BMP5: variants seen among roughly 807,000 people sequenced by gnomAD.
The protein encoded by BMP5 is bone morphogenetic protein 5.
Under a neutral mutation model 46.6 loss-of-function variants are expected in BMP5, and 23 were observed. The observed-to-expected ratio is 0.49, with a 90% CI of 0.35 to 0.70. BMP5 has a LOEUF of 0.70. Ranked by LOEUF, BMP5 falls within the 30% of genes least tolerant of loss-of-function variation. The probability of loss-of-function intolerance (pLI) is 0.00; values close to 1 mark genes in which losing one functional copy is unlikely to be tolerated. For synonymous variants in BMP5, 204 were observed against 191.9 expected (o/e 1.06, Z -0.52); for missense variants, 545 against 565.6 (o/e 0.96, Z 0.37).
intron 1 of BMP5, among the ~76,000 whole-genome samples, chr6:55,830,391 C>G (rs1776636771): frequency 6.6e-6 from 1 of 152,012 alleles, no homozygotes; most frequent in African/African-American, 2.4e-5. Flanking sequence ...TGGTTTCACA[C>G]TCTTGGACTT....
intron 3 of BMP5, among the ~76,000 whole-genome samples, chr6:55,792,462 A>T (rs2127528233): frequency 6.8e-6 from 1 of 148,128 alleles, no homozygotes; most frequent in Non-Finnish European, 1.5e-5. Flanking sequence ...TGAATCGGGG[A>T]GGCAGAGCTT....
chr6:55,816,022 A>T (rs1335318514), intron 2 of BMP5, among the ~76,000 whole-genome samples: 1 of 152,138 alleles, frequency 6.6e-6, no homozygotes, highest in African/African-American at 2.4e-5. Flanking sequence ...TGATCAATGT[A>T]AAATTCTGCA....
At chr6:55,820,782 C>G (rs1015511169) in intron 1 of BMP5, among the ~76,000 whole-genome samples, 8 of 151,850 alleles carry the variant, frequency 5.3e-5, no homozygotes, top group African/African-American at 1.9e-4. Flanking sequence ...AAATTCTTAC[C>G]CCTGGTCCAG....
Position 55,754,743 on chromosome 6 carries a change from G to T in BMP5, c.*790C>A, listed in dbSNP as rs906815848. 1.3e-5 allele frequency: 2 copies of T among 151,960 alleles called. No individual in the cohort carries two copies. Among genetic ancestry groups the T allele is most frequent in the Non-Finnish European group, 2.9e-5 (2 of 67,920 alleles). The allele number at this position is 151,960 out of a possible 1,614,324, so 9.4% of individuals were successfully genotyped here. ...TTAAATCTGAAAAAAAAATTCTGCA[G>T]CAGTAGTGTTCTAGATAATAGGCAG... On this transcript the variant is annotated 3_prime_UTR_variant, in exon 7 of 7. Transcript: ENST00000370830.
At chr6:55,865,538 G>C (rs1011016938) in intron 1 of BMP5, 5 of 374,214 alleles carry the variant, frequency 1.3e-5, no homozygotes, top group Non-Finnish European at 2.6e-5. Context: ...GCACTCTAGT[G>C]GGGGAACAGA....
At chr6:55,761,458 A>G (rs1774775508) in intron 4 of BMP5, among the ~76,000 whole-genome samples, 1 of 151,922 alleles carries the variant, frequency 6.6e-6, no homozygotes, top group African/African-American at 2.4e-5. Flanking sequence ...TTTTGGTCTT[A>G]TTACCCCTCT....
intron 4 of BMP5, among the ~76,000 whole-genome samples, chr6:55,765,172 C>T (rs1450288935): frequency 5.3e-5 from 8 of 151,790 alleles, no homozygotes; most frequent in Non-Finnish European, 1.2e-4. Flanking sequence ...AATAAATAAA[C>T]ATGGGATAGA....
At chr6:55,850,916 A>T (rs1417165361) in intron 1 of BMP5, among the ~76,000 whole-genome samples, 1 of 152,146 alleles carries the variant, frequency 6.6e-6, no homozygotes, top group African/African-American at 2.4e-5. Context: ...GAATGCTTTA[A>T]GTGATGAAAT....
chr6:55,865,513 C>A (rs1040813989), intron 1 of BMP5: 23 of 434,260 alleles, frequency 5.3e-5, no homozygotes, highest in African/African-American at 4.6e-4. Flanking sequence ...CTGACATAGA[C>A]TGACCTTTTC....
At chr6:55,826,730 TGAA>T (rs899793106) in intron 1 of BMP5, among the ~76,000 whole-genome samples, 2 of 151,582 alleles carry the variant, frequency 1.3e-5, no homozygotes, top group Non-Finnish European at 3.0e-5. Context: ...AATTAATTAA[TGAA>T]GGAGTTAATA....
chr6:55,814,194 T>C (rs1776202150), intron 2 of BMP5, among the ~76,000 whole-genome samples: 1 of 152,108 alleles, frequency 6.6e-6, no homozygotes, highest in African/African-American at 2.4e-5. Context: ...AATTATTTAT[T>C]AAATAAAGAC....
At chr6:55,819,598 T>C in intron 2 of BMP5, 57 bp downstream of exon 2, 1 of 1,419,580 alleles carries the variant, frequency 7.0e-7, no homozygotes, top group Non-Finnish European at 9.8e-7. Flanking sequence ...ATCAATGGCT[T>C]TTACTAAAAT....
intron 3 of BMP5, among the ~76,000 whole-genome samples, chr6:55,775,747 G>A (rs1318190691): frequency 1.3e-5 from 2 of 151,864 alleles, no homozygotes; most frequent in African/African-American, 2.4e-5. Context: ...TGGCATTTTA[G>A]CAAATAAACC....
intron 1 of BMP5, among the ~76,000 whole-genome samples, chr6:55,851,635 A>G (rs1242386373): frequency 3.9e-5 from 6 of 152,212 alleles, no homozygotes; most frequent in African/African-American, 1.4e-4. Flanking sequence ...TTTCTTAACA[A>G]AACTTTATAG....
intron 6 of BMP5, 148 bp from the exon 7 acceptor site, chr6:55,755,830 G>C: frequency 1.3e-6 from 1 of 766,990 alleles, no homozygotes; most frequent in Non-Finnish European, 2.2e-6. Context: ...ACTGGGGTGG[G>C]GGACTGAAGG....
chr6:55,814,716 G>A (rs534777618), intron 2 of BMP5, among the ~76,000 whole-genome samples: 9 of 152,204 alleles, frequency 5.9e-5, no homozygotes, highest in Non-Finnish European at 1.2e-4. Flanking sequence ...GTAATAACAC[G>A]GCACAGAATT....
At chr6:55,838,087 T>G (rs1776864602) in intron 1 of BMP5, among the ~76,000 whole-genome samples, 1 of 152,210 alleles carries the variant, frequency 6.6e-6, no homozygotes, top group Non-Finnish European at 1.5e-5. Flanking sequence ...TGCTTCCAAA[T>G]CTTAGCTATT....
intron 2 of BMP5, among the ~76,000 whole-genome samples, chr6:55,814,983 A>C (rs948827542): frequency 6.6e-6 from 1 of 152,004 alleles, no homozygotes; most frequent in Non-Finnish European, 1.5e-5. Context: ...AAATACAAAA[A>C]TTAGCCAGGT....
At chr6:55,844,635 A>G (rs1400303780) in intron 1 of BMP5, among the ~76,000 whole-genome samples, 2 of 151,958 alleles carry the variant, frequency 1.3e-5, no homozygotes, top group Non-Finnish European at 2.9e-5. Context: ...TGTGAATTCA[A>G]TAATAGGAAT....
Sources: gnomAD v4.1 joint callset for allele counts (sites outside exome capture counted in the v4.1 genomes callset) on GRCh38, gnomAD v4.1.1 for gene constraint, MANE v1.5 for transcripts, NCBI Gene and HGNC (gene_info 2026-07-23, HGNC 2026-07-21) for gene names.